Variants in AKAP7 observed in about 807,000 individuals in gnomAD.
AKAP7 encodes A-kinase anchoring protein 7.
AKAP7 carries 39 observed loss-of-function variants against 39.5 expected under a neutral mutation model. That is an observed-to-expected ratio of 0.99 (90% CI 0.76 to 1.29). The LOEUF (loss-of-function observed/expected upper bound fraction) is 1.29. Among genes scored for constraint, AKAP7 ranks in the 50% most tolerant of loss-of-function variants. The pLI is 0.00. For missense variants in AKAP7, 414 were observed against 407.7 expected (o/e 1.02, Z -0.13); for synonymous variants, 140 against 139.1 (o/e 1.01, Z -0.05).
chr6:131,242,982 ATTTAGAGGGAAGAGACTACCATTT>A (rs540910391), intron 7 of AKAP7, among the ~76,000 whole-genome samples: 195 of 152,180 alleles, frequency 1.3e-3, no homozygotes, highest in African/African-American at 4.5e-3. Context: ...ATAAAAAGAG[ATTTAGAGGGAAGAGACTACCATTT>A]TTTAGCTGCC....
At position 131,141,498 on chromosome 6, in the gene AKAP7, T is replaced by C. The variant is rs535692279; in HGVS notation, c.20-3787T>C. Among the ~76,000 whole-genome samples the C allele has an allele frequency of 9.2e-4, 140 of 152,300 alleles. No individual in the cohort carries two copies. In the Middle Eastern group the frequency reaches 0.01, roughly 11 times the overall value. ...AGCCTCAGGTATTCCTTTACAGCAA[T>C]GCAAATGGACTGAGATAGAAAATTG... On this transcript the variant is annotated intron_variant, in intron 1 of 7. Coordinates refer to ENST00000431975, the MANE Select transcript of AKAP7 (RefSeq NM_016377.4).
At chr6:131,150,501 C>T (rs1801829228) in intron 2 of AKAP7, among the ~76,000 whole-genome samples, 1 of 152,086 alleles carries the variant, frequency 6.6e-6, no homozygotes, top group African/African-American at 2.4e-5. Context: ...TCTGCATCCT[C>T]TATAATTAAT....
chr6:131,272,716 C>T (rs1814393827), intron 7 of AKAP7, among the ~76,000 whole-genome samples: 1 of 152,110 alleles, frequency 6.6e-6, no homozygotes, highest in South Asian at 2.1e-4. Flanking sequence ...CAAAAACATG[C>T]ATTGGATGAG....
At chr6:131,200,730 G>A (rs1353126454) in intron 6 of AKAP7, 1 of 152,086 alleles carries the variant, frequency 6.6e-6, no homozygotes, top group East Asian at 1.9e-4. Context: ...TATTAGGTAT[G>A]TTAGGTAAAA....
At chr6:131,130,716 T>C (rs1419274364), upstream of AKAP7, among the ~76,000 whole-genome samples, 2 of 152,178 alleles carry the variant, frequency 1.3e-5, no homozygotes, top group Non-Finnish European at 1.5e-5. Flanking sequence ...GAGTCAAGAT[T>C]GGACAAATGG....
At chr6:131,206,570 G>A (rs574303244) in intron 6 of AKAP7, among the ~76,000 whole-genome samples, 313 of 152,256 alleles carry the variant, frequency 2.1e-3, no homozygotes, top group Non-Finnish European at 3.6e-3. Flanking sequence ...CTACCATTAA[G>A]AGGAAATTCC....
chr6:131,236,852 C>G lies in AKAP7; in HGVS notation c.850+17044C>G, dbSNP rs147520370. Among the ~76,000 whole-genome samples, 1,116 of 152,292 alleles carry G rather than the reference C, an allele frequency of 7.3e-3. 11 individuals carry two copies. The highest frequency in any genetic ancestry group is 0.026 in the African/African-American group (1,074 of 41,558). Reference sequence around the variant, plus strand: ...GATATACAATCATGTCATCTGCAAACAGGGGCAATTTGATTTCCTCTTTTC... The same window carrying G: ...GATATACAATCATGTCATCTGCAAAGAGGGGCAATTTGATTTCCTCTTTTC... On this transcript the variant is annotated intron_variant, in intron 7 of 7. Transcript: ENST00000431975.
intron 5 of AKAP7, among the ~76,000 whole-genome samples, chr6:131,172,515 T>C (rs549750435): frequency 1.2e-4 from 18 of 151,946 alleles, no homozygotes; most frequent in African/African-American, 3.6e-4. Context: ...TTTTTAAGAG[T>C]TGGAGTCTCA....
At chr6:131,248,235 A>G (rs1350435430) in intron 7 of AKAP7, among the ~76,000 whole-genome samples, 1 of 152,158 alleles carries the variant, frequency 6.6e-6, no homozygotes, top group East Asian at 1.9e-4. Context: ...TTGCAATGCA[A>G]ATTAAAAGCT....
chr6:131,149,264 A>G (rs1801722817), intron 2 of AKAP7, among the ~76,000 whole-genome samples: 1 of 152,246 alleles, frequency 6.6e-6, no homozygotes, highest in Non-Finnish European at 1.5e-5. Flanking sequence ...GATAACATGC[A>G]TTAGAACTAA....
intron 7 of AKAP7, among the ~76,000 whole-genome samples, chr6:131,269,798 T>C (rs1814120508): frequency 6.6e-6 from 1 of 152,212 alleles, no homozygotes; most frequent in Non-Finnish European, 1.5e-5. Context: ...CACCCCAGTC[T>C]ATTTCAGTGG....
chr6:131,199,708 A>C, intron 6 of AKAP7, 135 bp downstream of exon 6: 1 of 744,450 alleles, frequency 1.3e-6, no homozygotes, highest in Non-Finnish European at 2.3e-6. Flanking sequence ...GTTGGTTCCA[A>C]TTCCCAGGGG....
intron 5 of AKAP7, among the ~76,000 whole-genome samples, chr6:131,191,000 G>C (rs1806354088): frequency 6.6e-6 from 1 of 152,158 alleles, no homozygotes; most frequent in South Asian, 2.1e-4. Flanking sequence ...TGCTCAGTAG[G>C]TAACTGAATA....
At chr6:131,138,666 T>C (rs1032870278) in intron 1 of AKAP7, among the ~76,000 whole-genome samples, 2 of 152,184 alleles carry the variant, frequency 1.3e-5, no homozygotes, top group African/African-American at 4.8e-5. Flanking sequence ...GGTAATAGAG[T>C]GACTGGATTC....
intron 6 of AKAP7, among the ~76,000 whole-genome samples, chr6:131,216,869 A>G (rs1487974661): frequency 1.3e-5 from 2 of 152,224 alleles, no homozygotes; most frequent in African/African-American, 4.8e-5. Flanking sequence ...ACCATCAACA[A>G]TCATATTCAA....
chr6:131,190,157 G>C (rs968191435), intron 5 of AKAP7, among the ~76,000 whole-genome samples: 1 of 152,226 alleles, frequency 6.6e-6, no homozygotes, highest in South Asian at 2.1e-4. Context: ...CAAAAAGAAG[G>C]CATTTTCTTT....
At chr6:131,230,046 G>A (rs1172014017) in intron 7 of AKAP7, among the ~76,000 whole-genome samples, 2 of 152,176 alleles carry the variant, frequency 1.3e-5, no homozygotes, top group East Asian at 3.8e-4. Flanking sequence ...AGCAAGCACA[G>A]TGATGAACAT....
chr6:131,148,475 C>G (rs907188292), intron 2 of AKAP7, among the ~76,000 whole-genome samples: 2 of 151,994 alleles, frequency 1.3e-5, no homozygotes, highest in Admixed American at 6.6e-5. Context: ...AAAAATTCCC[C>G]CCCCCGTTTA....
chr6:131,153,129 CAA>C (rs527758381), intron 2 of AKAP7, among the ~76,000 whole-genome samples: 22 of 111,488 alleles, frequency 2.0e-4, no homozygotes, highest in East Asian at 3.1e-4. Flanking sequence ...GACTCCATCT[CAA>C]AAAAAAAAAA....
Sources: allele counts gnomAD v4.1 joint callset (sites outside exome capture counted in the v4.1 genomes callset), GRCh38; gene constraint gnomAD v4.1.1; transcripts MANE v1.5; gene names NCBI Gene and HGNC (gene_info 2026-07-23, HGNC 2026-07-21).